Variants in SLC38A3 observed in about 807,000 individuals in gnomAD.
The protein encoded by SLC38A3 is sodium-coupled neutral amino acid transporter 3.
SLC38A3 carries 17 observed loss-of-function variants against 59.5 expected under a neutral mutation model. That is an observed-to-expected ratio of 0.29 (90% CI 0.20 to 0.43). The LOEUF is 0.43. Ranked by LOEUF, SLC38A3 falls within the 20% of genes least tolerant of loss-of-function variation. The pLI is 1.00. For synonymous variants in SLC38A3, 238 were observed against 260.3 expected (o/e 0.91, Z 0.82); for missense variants, 454 against 653.9 (o/e 0.69, Z 3.33).
Position 50,218,525 on chromosome 3 carries a change from C to G in SLC38A3, c.1037-68C>G, listed in dbSNP as rs1699855602. 1.3e-6 allele frequency: 2 copies of G among 1,592,574 alleles called. No homozygotes were observed. The highest frequency in any genetic ancestry group is 1.7e-6 in the Non-Finnish European group (2 of 1,169,766). On this transcript the variant is annotated intron_variant, in intron 12 of 15. Transcript: ENST00000614032. This position sits in a 1 kb window ranked among gnomAD's most constrained non-coding sequence, Gnocchi z 5.8. ...TGCCAATCCCCACAGTGTTGGGGTCCCCTAGGCAGCTCAGATCCCACCTCC... is the reference window on the plus strand; with the variant it reads ...TGCCAATCCCCACAGTGTTGGGGTCGCCTAGGCAGCTCAGATCCCACCTCC...
At chr3:50,208,255 TTCTC>T (rs1241218899) in intron 1 of SLC38A3, among the ~76,000 whole-genome samples, 1 of 146,686 alleles carries the variant, frequency 6.8e-6, no homozygotes, top group Non-Finnish European at 1.5e-5. Flanking sequence ...TTCTTCAGCT[TTCTC>T]TCTTTTTTTT....
At position 50,214,546 on chromosome 3, in the gene SLC38A3, G is replaced by A; in HGVS notation, c.183+63G>A. ...GGGAGCTTGGATGCAGTAATGAGGT[G>A]GTCTCTGGCAGCAGTGGGAGGCTGA... On this transcript the variant is annotated intron_variant, in intron 3 of 15. Transcript: ENST00000614032. This position sits in a 1 kb window ranked among gnomAD's most constrained non-coding sequence, Gnocchi z 6.0. 6.7e-7 allele frequency: 1 copy of A among 1,493,924 alleles called. No homozygotes were observed. The highest frequency in any genetic ancestry group is 1.2e-5 in the South Asian group (1 of 83,266). 92.5% of individuals were successfully genotyped at this position (1,493,924 alleles called of 1,614,324 possible).
At chr3:50,219,702 C>A (rs1477386798) in intron 14 of SLC38A3, among the ~76,000 whole-genome samples, 179 bp from the exon 15 acceptor site, 1 of 152,234 alleles carries the variant, frequency 6.6e-6, no homozygotes, top group Non-Finnish European at 1.5e-5. Context: ...AGCCTTCTAT[C>A]CTCATGGATG....
chr3:50,220,881 A>G lies in SLC38A3; in HGVS notation c.*704A>G, dbSNP rs1044103321. The G allele has an allele frequency of 2.0e-5, 3 of 152,948 alleles. No homozygotes were observed. Among genetic ancestry groups the G allele is most frequent in the African/African-American group, 7.2e-5 (3 of 41,436 alleles). The allele number at this position is 152,948 out of a possible 1,614,324, so 9.5% of individuals were successfully genotyped here. On this transcript the variant is annotated 3_prime_UTR_variant, in exon 16 of 16. Coordinates refer to ENST00000614032, the MANE Select transcript of SLC38A3 (RefSeq NM_006841.6). ...GGAGAAGAAACAGGCCGAGGCCCAGAGTGGCCTGCCCCCGGGAGCCAAAGA... is the reference window on the plus strand; with the variant it reads ...GGAGAAGAAACAGGCCGAGGCCCAGGGTGGCCTGCCCCCGGGAGCCAAAGA...
rs1273429678 is a variant in SLC38A3, at chr3:50,214,971, C to T, written c.299+203C>T. Reference sequence around the variant, plus strand: ...CCCAGTAAACCGACTGAGGTCACAACACAGGCCGGTCTTACAGGCCAGAGA... The same window carrying T: ...CCCAGTAAACCGACTGAGGTCACAATACAGGCCGGTCTTACAGGCCAGAGA... On this transcript the variant is annotated intron_variant, in intron 4 of 15. Coordinates refer to ENST00000614032, the MANE Select transcript of SLC38A3 (RefSeq NM_006841.6). This position sits in a 1 kb window ranked among gnomAD's most constrained non-coding sequence, Gnocchi z 6.0. The T allele has an allele frequency of 3.3e-6, 2 of 605,956 alleles. No individual in the cohort carries two copies. Among genetic ancestry groups the T allele is most frequent in the African/African-American group, 3.7e-5 (2 of 53,968 alleles). The allele number at this position is 605,956 out of a possible 1,614,324, so 37.5% of individuals were successfully genotyped here.
chr3:50,213,430 A>G (rs112605206), intron 1 of SLC38A3, among the ~76,000 whole-genome samples: 1 of 152,146 alleles, frequency 6.6e-6, no homozygotes, highest in African/African-American at 2.4e-5. Flanking sequence ...GTTTCCTGGA[A>G]GGCCCCCTGA....
rs1000591862 is a variant in SLC38A3 at position 50,215,856 on chromosome 3, G to A, written c.548+35G>A. 4 of 1,036,834 alleles carry A rather than the reference G, an allele frequency of 3.9e-6. No homozygotes were observed. The African/African-American group carries it at 6.5e-5, about 17-fold the overall frequency. 64.2% of individuals were successfully genotyped at this position (1,036,834 alleles called of 1,614,324 possible). On this transcript the variant is annotated intron_variant, in intron 7 of 15. Coordinates refer to ENST00000614032, the MANE Select transcript of SLC38A3 (RefSeq NM_006841.6). This position sits in a 1 kb window ranked among gnomAD's most constrained non-coding sequence, Gnocchi z 7.1. ...GGCGTGGGGAGGGGAGGGGAGGGGT[G>A]CGGTGCAGTGAGGAGGGGTGGGGTG...
chr3:50,217,603 A>G lies in SLC38A3; in HGVS notation c.691-73A>G, dbSNP rs936893885. ...GGCAGCTCCACCAGTCCTGATCTAG[A>G]TGTGGCTTCATGGTGACTTCCCAGG... On this transcript the variant is annotated intron_variant, in intron 9 of 15. Coordinates refer to ENST00000614032, the MANE Select transcript of SLC38A3 (RefSeq NM_006841.6). The surrounding 1 kb of genome is among the most constrained non-coding windows in gnomAD (Gnocchi z 4.9). 1 of 1,591,698 alleles carries G rather than the reference A, an allele frequency of 6.3e-7. No individual in the cohort carries two copies. The highest frequency in any genetic ancestry group is 1.7e-5 in the Admixed American group (1 of 58,666).
rs755175005 is a variant in SLC38A3, at chr3:50,214,347, G to A, written c.101+47G>A. On this transcript the variant is annotated intron_variant, in intron 2 of 15. Coordinates refer to ENST00000614032, the MANE Select transcript of SLC38A3 (RefSeq NM_006841.6). This position sits in a 1 kb window ranked among gnomAD's most constrained non-coding sequence, Gnocchi z 6.0. Reference sequence around the variant, plus strand: ...TGGTGGCTGAAGACAGGGCAGGGCAGGGATACAGAGCAAAGGGCTGGAGCT... The same window carrying A: ...TGGTGGCTGAAGACAGGGCAGGGCAAGGATACAGAGCAAAGGGCTGGAGCT... The A allele has an allele frequency of 5.6e-6, 9 of 1,608,858 alleles. No homozygotes were observed. In the South Asian group the frequency reaches 1.0e-4, roughly 18 times the overall value.
rs1010912291 is a variant in SLC38A3, at chr3:50,220,339, G to A, written c.*162G>A. ...CTCTCTGTGGAAGGTTTTTGTTCAA[G>A]AGCCAGGACCAAGGCCCTTGGGCCA... On this transcript the variant is annotated 3_prime_UTR_variant, in exon 16 of 16. Coordinates refer to ENST00000614032, the MANE Select transcript of SLC38A3 (RefSeq NM_006841.6). 5 of 638,390 alleles carry A rather than the reference G, an allele frequency of 7.8e-6. No homozygotes were observed. The highest frequency in any genetic ancestry group is 2.8e-5 in the East Asian group (1 of 36,144). 39.5% of individuals were successfully genotyped at this position (638,390 alleles called of 1,614,324 possible).
At position 50,215,981 on chromosome 3, in the gene SLC38A3, G is replaced by A. The variant is rs1699813375; in HGVS notation, c.548+160G>A. Among the ~76,000 whole-genome samples the A allele has an allele frequency of 6.6e-6, 1 of 152,114 alleles. No homozygotes were observed. Among genetic ancestry groups the A allele is most frequent in the Non-Finnish European group, 1.5e-5 (1 of 68,014 alleles). On this transcript the variant is annotated intron_variant, in intron 7 of 15. Transcript: ENST00000614032. This position sits in a 1 kb window ranked among gnomAD's most constrained non-coding sequence, Gnocchi z 7.1. ...GGTGGAGTGGGGAGAGTTGCCCGCA[G>A]AGCCAGCATTCAGTTCACACTCACT...
Position 50,215,324 on chromosome 3 carries a change from T to A in SLC38A3, c.300-62T>A. Reference sequence around the variant, plus strand: ...CCAGGCCTCCCAGAGCCCCTCACCCTCTGCCAGCCACGGTAGCCCCCCAGT... The same window carrying A: ...CCAGGCCTCCCAGAGCCCCTCACCCACTGCCAGCCACGGTAGCCCCCCAGT... On this transcript the variant is annotated intron_variant, in intron 4 of 15. Transcript: ENST00000614032. The surrounding 1 kb of genome is among the most constrained non-coding windows in gnomAD (Gnocchi z 7.1). 6.6e-7 allele frequency: 1 copy of A among 1,510,368 alleles called. No homozygotes were observed. The highest frequency in any genetic ancestry group is 2.3e-5 in the East Asian group (1 of 44,348). The allele number at this position is 1,510,368 out of a possible 1,614,324, so 93.6% of individuals were successfully genotyped here. A position where few individuals can be genotyped will look rare whatever the true frequency, so the allele number is the denominator to read the frequency against.
intron 1 of SLC38A3, among the ~76,000 whole-genome samples, chr3:50,209,664 G>GA (rs1024245676): frequency 3.4e-5 from 5 of 148,342 alleles, no homozygotes; most frequent in East Asian, 2.0e-4. Context: ...AAAAAAACAA[G>GA]AAAAAAAAAG....
At chr3:50,205,387 T>C (rs1252066438) in intron 1 of SLC38A3, 39 bp downstream of exon 1, 1 of 152,272 alleles carries the variant, frequency 6.6e-6, no homozygotes, top group East Asian at 1.9e-4. Flanking sequence ...CACAGGGGAA[T>C]CGGGTGGGCC....
chr3:50,211,480 C>G (rs1209453837), intron 1 of SLC38A3, among the ~76,000 whole-genome samples: 1 of 147,738 alleles, frequency 6.8e-6, no homozygotes, highest in Non-Finnish European at 1.5e-5. Flanking sequence ...CTGGTACACT[C>G]TTTCCTGTTT....
chr3:50,213,575 G>A (rs1383336015), intron 1 of SLC38A3, among the ~76,000 whole-genome samples: 5 of 152,244 alleles, frequency 3.3e-5, no homozygotes, highest in African/African-American at 9.6e-5. Context: ...GCCCACAGAG[G>A]GCTCTTTGTT....
Position 50,218,262 on chromosome 3 carries a change from C to CCGGG in SLC38A3, c.936-7_936-6insGGGC. ...GTCACCAACACCCACCCCCCCACTTCCCCACAGCCCCTCCAAGAAGAAGAT... is the reference window on the plus strand; with the variant it reads ...GTCACCAACACCCACCCCCCCACTTCCGGGCCCACAGCCCCTCCAAGAAGAAGAT... On this transcript the variant is annotated splice_polypyrimidine_tract_variant and splice_region_variant and intron_variant, in intron 11 of 15. Transcript: ENST00000614032. The surrounding 1 kb of genome is among the most constrained non-coding windows in gnomAD (Gnocchi z 5.8). 8.0e-7 allele frequency: 1 copy of CCGGG among 1,254,422 alleles called. No homozygotes were observed. The highest frequency in any genetic ancestry group is 1.2e-6 in the Non-Finnish European group (1 of 853,548). 77.7% of individuals were successfully genotyped at this position (1,254,422 alleles called of 1,614,324 possible). A position where few individuals can be genotyped will look rare whatever the true frequency, so the allele number is the denominator to read the frequency against.
At chr3:50,209,204 G>A (rs1443091720) in intron 1 of SLC38A3, among the ~76,000 whole-genome samples, 1 of 152,202 alleles carries the variant, frequency 6.6e-6, no homozygotes, top group Non-Finnish European at 1.5e-5. Context: ...GTGAGGTGGG[G>A]GCTGCTGTTG....
At chr3:50,216,394 C>G (rs1162481948) in intron 7 of SLC38A3, among the ~76,000 whole-genome samples, 1 of 152,226 alleles carries the variant, frequency 6.6e-6, no homozygotes, top group African/African-American at 2.4e-5. Context: ...AGGAGTTGGC[C>G]TCAGGGCTTG....
Sources: allele counts gnomAD v4.1 joint callset (sites outside exome capture counted in the v4.1 genomes callset), GRCh38; gene constraint gnomAD v4.1.1; non-coding constraint Gnocchi (gnomAD v3.1); transcripts MANE v1.5; gene names NCBI Gene and HGNC (gene_info 2026-07-23, HGNC 2026-07-21).